CAMTA1: variants seen among roughly 807,000 people sequenced by gnomAD.
CAMTA1 encodes calmodulin-binding transcription activator 1.
Under a neutral mutation model 170.9 loss-of-function variants are expected in CAMTA1, and 27 were observed. That is an observed-to-expected ratio of 0.16 (90% confidence interval 0.12 to 0.22). CAMTA1 has a LOEUF of 0.22. Ranked by LOEUF, CAMTA1 falls within the 10% of genes least tolerant of loss-of-function variation. The probability of loss-of-function intolerance (pLI) is 1.00; values close to 1 mark genes in which losing one functional copy is unlikely to be tolerated. For synonymous variants in CAMTA1, 833 were observed against 891.5 expected, an observed-to-expected ratio of 0.93 and a Z score of 1.17; for missense variants, 1,619 against 2,217.2, an observed-to-expected ratio of 0.73 and a Z score of 5.42.
chr1:7,078,975 C>G (rs1572888652), intron 3 of CAMTA1, among the ~76,000 whole-genome samples: 1 of 152,130 alleles, frequency 6.6e-6, no homozygotes, highest in South Asian at 2.1e-4. Context: ...TATGGCTCTC[C>G]TGGGATGTTC....
chr1:6,919,407 G>C (rs972646168), intron 3 of CAMTA1, among the ~76,000 whole-genome samples: 2 of 152,214 alleles, frequency 1.3e-5, no homozygotes, highest in African/African-American at 4.8e-5. Context: ...CATGACCAGT[G>C]AGCTGCTGGA....
At chr1:6,929,101 T>A (rs754911432) in intron 3 of CAMTA1, among the ~76,000 whole-genome samples, 21 of 152,218 alleles carry the variant, frequency 1.4e-4, no homozygotes, top group Non-Finnish European at 2.6e-4. Context: ...CCATATATCA[T>A]CAACATGTTG....
rs1371438802 is a variant in CAMTA1 at position 7,455,179 on chromosome 1, C to A, written c.439-12651C>A. 6.6e-6 allele frequency among the ~76,000 whole-genome samples: 1 copy of A among 152,212 alleles called. No homozygotes were observed. The highest frequency in any genetic ancestry group is 1.9e-4 in the East Asian group (1 of 5,178). ...CTGCTAAGTCTGTTCCAGGACAAGACATGCTGCCCATCCCTCCTGCTTCTC... is the reference window on the plus strand; with the variant it reads ...CTGCTAAGTCTGTTCCAGGACAAGAAATGCTGCCCATCCCTCCTGCTTCTC... On this transcript the variant is annotated intron_variant, in intron 5 of 22. Transcript: ENST00000303635. The surrounding 1 kb of genome is among the most constrained non-coding windows in gnomAD (Gnocchi z 5.0).
At chr1:7,379,296 G>A (rs1016264633) in intron 5 of CAMTA1, among the ~76,000 whole-genome samples, 8 of 152,158 alleles carry the variant, frequency 5.3e-5, no homozygotes, top group Admixed American at 6.5e-5. Flanking sequence ...AAGAGATGTC[G>A]CAGGAGACTT....
chr1:6,790,180 A>T (rs936977816), intron 1 of CAMTA1, among the ~76,000 whole-genome samples: 1 of 149,530 alleles, frequency 6.7e-6, no homozygotes, highest in African/African-American at 2.5e-5. Context: ...CTTGCAAGGA[A>T]TTTTTTTTTT....
At chr1:7,495,466 C>T (rs191511503) in intron 6 of CAMTA1, among the ~76,000 whole-genome samples, 5 of 152,308 alleles carry the variant, frequency 3.3e-5, no homozygotes, top group Admixed American at 1.3e-4. Flanking sequence ...TGTTCCATCC[C>T]CAGAAGTGAT....
At chr1:7,277,717 A>C (rs1461962898) in intron 5 of CAMTA1, among the ~76,000 whole-genome samples, 1 of 152,130 alleles carries the variant, frequency 6.6e-6, no homozygotes. Context: ...ACATTGATAT[A>C]ATGGCCTATG....
chr1:7,655,238 A>ACACACACACC (rs1558064909), intron 7 of CAMTA1, among the ~76,000 whole-genome samples: 5 of 145,988 alleles, frequency 3.4e-5, no homozygotes, highest in African/African-American at 1.3e-4. Flanking sequence ...ACACACACCT[A>ACACACACACC]TACACACACA....
chr1:7,427,512 A>C (rs2091924917), intron 5 of CAMTA1, among the ~76,000 whole-genome samples: 2 of 152,216 alleles, frequency 1.3e-5, no homozygotes, highest in Non-Finnish European at 1.5e-5. Context: ...ACGGGGCTAC[A>C]CAATAATTTG....
At chr1:7,668,433 C>CACACACA (rs36054481) in intron 9 of CAMTA1, among the ~76,000 whole-genome samples, 137 of 114,866 alleles carry the variant, frequency 1.2e-3, no homozygotes, top group Middle Eastern at 4.2e-3. Context: ...ACACACACAC[C>CACACACA]CACCACACAC....
At chr1:6,888,403 T>C (rs1673779602) in intron 3 of CAMTA1, among the ~76,000 whole-genome samples, 1 of 152,212 alleles carries the variant, frequency 6.6e-6, no homozygotes, top group Admixed American at 6.5e-5. Flanking sequence ...AATTACAGAC[T>C]TACTATATGT....
At chr1:7,345,952 A>G (rs1162074678) in intron 5 of CAMTA1, among the ~76,000 whole-genome samples, 1 of 152,222 alleles carries the variant, frequency 6.6e-6, no homozygotes, top group African/African-American at 2.4e-5. Context: ...TTTGGGGTAC[A>G]GGGAAACCCT....
chr1:6,824,144 C>T (rs1646845145), intron 2 of CAMTA1, among the ~76,000 whole-genome samples: 1 of 152,104 alleles, frequency 6.6e-6, no homozygotes, highest in South Asian at 2.1e-4. Flanking sequence ...TGTGCAGCTC[C>T]TTAGTACCTA....
At chr1:7,417,160 G>C (rs1019084401) in intron 5 of CAMTA1, among the ~76,000 whole-genome samples, 2 of 152,258 alleles carry the variant, frequency 1.3e-5, no homozygotes, top group African/African-American at 4.8e-5. Flanking sequence ...GGAGTACCCG[G>C]CCGTGTGAGG....
In CAMTA1 at chr1:7,229,292, G is replaced by A. The variant is rs551831041; in HGVS notation, c.303-20199G>A. 1.3e-4 allele frequency among the ~76,000 whole-genome samples: 19 copies of A among 151,116 alleles called. No homozygotes were observed. In the South Asian group the frequency reaches 4.0e-3, roughly 32 times the overall value. On this transcript the variant is annotated intron_variant, in intron 4 of 22. Transcript: ENST00000303635. ...TGTAGAGGTTGTCAAATGCACCCCT[G>A]TTCCCAGGGAGCCGGGAAAGTGAGG...
At chr1:7,055,034 C>T (rs970894080) in intron 3 of CAMTA1, among the ~76,000 whole-genome samples, 8 of 152,042 alleles carry the variant, frequency 5.3e-5, no homozygotes, top group East Asian at 1.9e-4. Flanking sequence ...CCAGATCTTG[C>T]GAAACTCACT....
chr1:7,460,557 G>C (rs550637857), intron 5 of CAMTA1, among the ~76,000 whole-genome samples: 1 of 151,566 alleles, frequency 6.6e-6, no homozygotes, highest in South Asian at 2.1e-4. Context: ...CTACGGCCCA[G>C]CTGGTCCAGG....
chr1:6,892,148 C>T (rs561799536), intron 3 of CAMTA1, among the ~76,000 whole-genome samples: 122 of 152,328 alleles, frequency 8.0e-4, no homozygotes, highest in African/African-American at 2.5e-3. Context: ...TCTTTAAAGT[C>T]TAGTAGACAA....
intron 9 of CAMTA1, among the ~76,000 whole-genome samples, chr1:7,670,537 C>T (rs894553843): frequency 3.3e-5 from 5 of 152,214 alleles, no homozygotes; most frequent in Admixed American, 2.0e-4. Flanking sequence ...AGTCCCCTCC[C>T]TGCCCTCGGC....
Sources: allele counts gnomAD v4.1 joint callset (sites outside exome capture counted in the v4.1 genomes callset), GRCh38; gene constraint gnomAD v4.1.1; non-coding constraint Gnocchi (gnomAD v3.1); transcripts MANE v1.5; gene names NCBI Gene and HGNC (gene_info 2026-07-23, HGNC 2026-07-21).